Variants in VPS35L observed in about 807,000 individuals in gnomAD.
VPS35L encodes the protein VPS35 endosomal protein sorting factor like.
VPS35L carries 83 observed loss-of-function variants against 133.0 expected under a neutral mutation model. That is an observed-to-expected ratio of 0.62 (90% CI 0.52 to 0.75). VPS35L has a LOEUF of 0.75. VPS35L is among the 30% of genes least tolerant of loss of function. The pLI, the probability that VPS35L is intolerant of heterozygous loss-of-function variation, is 0.00. For synonymous variants in VPS35L, 423 were observed against 449.9 expected, an observed-to-expected ratio of 0.94 and a Z score of 0.76; for missense variants, 1,083 against 1,206.8, an observed-to-expected ratio of 0.90 and a Z score of 1.52.
chr16:19,693,675 T>C (rs2151628437), intron 29 of VPS35L, among the ~76,000 whole-genome samples: 1 of 152,116 alleles, frequency 6.6e-6, no homozygotes, highest in Admixed American at 6.6e-5. Context: ...TCCCAGCTAC[T>C]TGGGAGGCTG....
chr16:19,695,026 C>A (rs866028939), intron 29 of VPS35L, among the ~76,000 whole-genome samples: 3 of 141,008 alleles, frequency 2.1e-5, no homozygotes, highest in African/African-American at 9.0e-5. Flanking sequence ...AAAAAAAAGA[C>A]AGAGCTCAAG....
At chr16:19,640,127 C>A in intron 21 of VPS35L, 27 bp downstream of exon 21, 1 of 1,591,398 alleles carries the variant, frequency 6.3e-7, no homozygotes, top group East Asian at 2.2e-5. Flanking sequence ...GCAGCAGAAG[C>A]CTTGATTCCC....
intron 28 of VPS35L, among the ~76,000 whole-genome samples, chr16:19,690,130 C>G (rs1459687870): frequency 3.3e-5 from 5 of 152,106 alleles, no homozygotes. Context: ...TGGTCTCAAA[C>G]TCCTGGACTC....
chr16:19,583,144 GATTTTTTTTTA>G (rs1971761248), intron 7 of VPS35L, among the ~76,000 whole-genome samples: 2 of 134,132 alleles, frequency 1.5e-5, no homozygotes, highest in South Asian at 4.3e-4. Flanking sequence ...GTAATTCATT[GATTTTTTTTTA>G]CTTAACTTAT....
At chr16:19,611,187 A>G (rs1402392472) in intron 12 of VPS35L, among the ~76,000 whole-genome samples, 1 of 152,028 alleles carries the variant, frequency 6.6e-6, no homozygotes, top group Non-Finnish European at 1.5e-5. Context: ...TTTAGTAGAG[A>G]TGGGGTTTCA....
At chr16:19,661,398 G>C (rs977677684) in intron 26 of VPS35L, among the ~76,000 whole-genome samples, 2 of 152,056 alleles carry the variant, frequency 1.3e-5, no homozygotes, top group Admixed American at 6.6e-5. Context: ...TTGCCCAATT[G>C]GTATTTTAGC....
In VPS35L at chr16:19,652,385, G is replaced by A. The variant is rs554705997; in HGVS notation, c.2221+295G>A. 5.6e-5 allele frequency: 14 copies of A among 249,726 alleles called. 1 individual carries two copies. The East Asian group carries it at 1.4e-3, about 25-fold the overall frequency. 15.5% of individuals were successfully genotyped at this position (249,726 alleles called of 1,614,324 possible). ...GAGTTTCGTTTTGTTGCCTGGGCCT[G>A]TCTTGAACTCCTGGGCTCAAATGTT... On this transcript the variant is annotated intron_variant, in intron 26 of 30. Transcript: ENST00000417362.
chr16:19,668,306 A>G (rs1974762255), intron 26 of VPS35L, among the ~76,000 whole-genome samples: 1 of 152,102 alleles, frequency 6.6e-6, no homozygotes, highest in African/African-American at 2.4e-5. Context: ...CAGTGTTTTG[A>G]TTGTTTTGAC....
intron 21 of VPS35L, among the ~76,000 whole-genome samples, chr16:19,640,698 C>A (rs1289134556): frequency 6.6e-6 from 1 of 152,180 alleles, no homozygotes; most frequent in South Asian, 2.1e-4. Flanking sequence ...AACTGCCCGA[C>A]TGCTAGTGGT....
At chr16:19,653,180 T>C (rs1974188861) in intron 26 of VPS35L, among the ~76,000 whole-genome samples, 1 of 152,160 alleles carries the variant, frequency 6.6e-6, no homozygotes, top group Non-Finnish European at 1.5e-5. Flanking sequence ...CATTCTGGCC[T>C]GCTCCACACT....
intron 3 of VPS35L, among the ~76,000 whole-genome samples, chr16:19,570,661 C>T (rs543634018): frequency 3.4e-4 from 51 of 151,400 alleles, no homozygotes; most frequent in African/African-American, 1.1e-3. Context: ...GGCATTTTTC[C>T]GGAGTGCGTT....
At position 19,639,979 on chromosome 16, in the gene VPS35L, T is replaced by C; in HGVS notation, c.1699-36T>C. ...CAGATTCCTTCCTTCCAATAACTTG[T>C]GTCATTTGCATATAGAGTGCTTGCT... On this transcript the variant is annotated intron_variant, in intron 20 of 30. Coordinates refer to ENST00000417362, the MANE Select transcript of VPS35L (RefSeq NM_020314.7). The surrounding 1 kb of genome is among the most constrained non-coding windows in gnomAD (Gnocchi z 4.1). 6.5e-7 allele frequency: 1 copy of C among 1,543,468 alleles called. No homozygotes were observed. Among genetic ancestry groups the C allele is most frequent in the Non-Finnish European group, 8.9e-7 (1 of 1,117,798 alleles).
intron 9 of VPS35L, among the ~76,000 whole-genome samples, chr16:19,602,443 T>C (rs1972414638): frequency 6.6e-6 from 1 of 152,096 alleles, no homozygotes; most frequent in Non-Finnish European, 1.5e-5. Context: ...AGAAAGTGTT[T>C]GTGACAGTAA....
intron 29 of VPS35L, among the ~76,000 whole-genome samples, chr16:19,692,562 TTTTTA>T (rs147357865): frequency 0.048 from 7,359 of 152,046 alleles, 546 homozygotes; most frequent in African/African-American, 0.16. Flanking sequence ...TTCACTTTTC[TTTTTA>T]TTTTATTTTT....
chr16:19,607,462 C>T (rs1245327607), intron 9 of VPS35L, among the ~76,000 whole-genome samples: 1 of 152,200 alleles, frequency 6.6e-6, no homozygotes, highest in Admixed American at 6.5e-5. Context: ...GTGACCACAC[C>T]TAGCTGCAAG....
chr16:19,587,707 C>T (rs1212634849), intron 7 of VPS35L, among the ~76,000 whole-genome samples: 1 of 151,432 alleles, frequency 6.6e-6, no homozygotes, highest in Admixed American at 6.6e-5. Flanking sequence ...AAACAAAAAT[C>T]AATCGACCAT....
intron 27 of VPS35L, among the ~76,000 whole-genome samples, chr16:19,677,053 A>G (rs943854502): frequency 6.0e-5 from 9 of 150,778 alleles, no homozygotes; most frequent in Middle Eastern, 3.4e-3. Flanking sequence ...CTCAAAAGAA[A>G]AAGTTTTCTT....
intron 7 of VPS35L, among the ~76,000 whole-genome samples, chr16:19,585,406 C>CTTTTTTTTTTTTTTTTTT (rs201727936): frequency 7.2e-6 from 1 of 138,124 alleles, no homozygotes; most frequent in Non-Finnish European, 1.6e-5. Context: ...TTTCTTTTTT[C>CTTTTTTTTTTTTTTTTTT]TTTTTTTTTT....
intron 23 of VPS35L, among the ~76,000 whole-genome samples, chr16:19,645,171 T>C (rs958148313): frequency 1.3e-5 from 2 of 149,960 alleles, no homozygotes; most frequent in Admixed American, 1.3e-4. Context: ...GGGAGGGTGA[T>C]GGGAGGAGGG....
Sources: gnomAD v4.1 joint callset for allele counts (sites outside exome capture counted in the v4.1 genomes callset) on GRCh38, gnomAD v4.1.1 for gene constraint, Gnocchi (gnomAD v3.1) non-coding constraint, MANE v1.5 for transcripts, NCBI Gene and HGNC (gene_info 2026-07-23, HGNC 2026-07-21) for gene names.